The following SPIN1 variants were observed in gnomAD, a reference collection of about 807,000 sequenced individuals.
The protein encoded by SPIN1 is spindlin 1, also known as spindlin-1.
In SPIN1, 3 loss-of-function variants were observed where a neutral mutation model predicts 26.0. The observed-to-expected ratio is 0.12, with a 90% CI of 0.05 to 0.30. The LOEUF (loss-of-function observed/expected upper bound fraction) is 0.30. SPIN1 is among the 10% of genes least tolerant of loss of function. The pLI is 1.00. For missense variants in SPIN1, 126 were observed against 333.4 expected, an observed-to-expected ratio of 0.38 and a Z score of 4.84; for synonymous variants, 101 against 116.5, an observed-to-expected ratio of 0.87 and a Z score of 0.86.
chr9:88,395,118 A>G (rs7856871), intron 1 of SPIN1, among the ~76,000 whole-genome samples: 29,198 of 151,778 alleles, frequency 0.19, 3,782 homozygotes, highest in African/African-American at 0.37. Flanking sequence ...TATTTAATGT[A>G]TTTTTTAACA....
At chr9:88,418,275 A>C (rs1237416690) in intron 1 of SPIN1, among the ~76,000 whole-genome samples, 1 of 152,186 alleles carries the variant, frequency 6.6e-6, no homozygotes, top group Admixed American at 6.5e-5. Context: ...CATTCATCTC[A>C]TTAGCATAAA....
intron 1 of SPIN1, among the ~76,000 whole-genome samples, chr9:88,394,594 A>G (rs1433796030): frequency 6.6e-6 from 1 of 152,162 alleles, no homozygotes; most frequent in Non-Finnish European, 1.5e-5. Flanking sequence ...GTATAAATGT[A>G]GTTTGAAAAT....
intron 3 of SPIN1, among the ~76,000 whole-genome samples, chr9:88,454,837 G>A (rs898371263): frequency 2.0e-5 from 3 of 152,182 alleles, no homozygotes; most frequent in Non-Finnish European, 4.4e-5. Context: ...AGCAGCTTGT[G>A]CATTCAAGCC....
rs186713818 is a variant in SPIN1 at position 88,449,541 on chromosome 9, A to G, written c.101+552A>G. On this transcript the variant is annotated intron_variant, in intron 3 of 5. Transcript: ENST00000375859. ...AAACTGACAGTGTGTTCTCAATCCTAAATTCTGTAGATACCAGCTTACAGA... is the reference window on the plus strand; with the variant it reads ...AAACTGACAGTGTGTTCTCAATCCTGAATTCTGTAGATACCAGCTTACAGA... 1.8e-4 allele frequency among the ~76,000 whole-genome samples: 27 copies of G among 152,282 alleles called. 1 individual carries two copies. The highest frequency in any genetic ancestry group is 1.2e-3 in the South Asian group (6 of 4,818).
At chr9:88,402,080 C>G (rs1386840839) in intron 1 of SPIN1, among the ~76,000 whole-genome samples, 1 of 152,122 alleles carries the variant, frequency 6.6e-6, no homozygotes, top group Non-Finnish European at 1.5e-5. Context: ...AACCTCTTGC[C>G]TCCTGGGTTC....
intron 2 of SPIN1, among the ~76,000 whole-genome samples, chr9:88,445,213 T>C (rs1204168974): frequency 1.3e-5 from 2 of 152,142 alleles, no homozygotes; most frequent in African/African-American, 4.8e-5. Flanking sequence ...TCTTTCTTTT[T>C]TTTCTTTTCT....
At chr9:88,439,587 C>T (rs534587193) in intron 2 of SPIN1, among the ~76,000 whole-genome samples, 3 of 152,308 alleles carry the variant, frequency 2.0e-5, no homozygotes, top group African/African-American at 4.8e-5. Flanking sequence ...AACAGATACT[C>T]GACCTTCAGT....
intron 1 of SPIN1, among the ~76,000 whole-genome samples, chr9:88,425,901 G>C (rs539743326): frequency 1.3e-5 from 2 of 152,232 alleles, no homozygotes; most frequent in South Asian, 2.1e-4. Context: ...TCTTGAACAT[G>C]ATTTCCTGTG....
At chr9:88,393,631 T>C (rs762445012) in intron 1 of SPIN1, among the ~76,000 whole-genome samples, 4 of 151,594 alleles carry the variant, frequency 2.6e-5, no homozygotes, top group Non-Finnish European at 5.9e-5. Context: ...AATTTTTGTA[T>C]TTTTAGTAGA....
At chr9:88,436,288 CTT>C (rs1325708122) in intron 2 of SPIN1, among the ~76,000 whole-genome samples, 2 of 152,160 alleles carry the variant, frequency 1.3e-5, no homozygotes, top group South Asian at 2.1e-4. Flanking sequence ...AGTTTTTAAA[CTT>C]TACAATCTTT....
intron 1 of SPIN1, among the ~76,000 whole-genome samples, chr9:88,394,346 GC>G (rs1175968161): frequency 1.8e-4 from 27 of 152,224 alleles, no homozygotes; most frequent in African/African-American, 6.5e-4. Context: ...GAGTCTTTCA[GC>G]TTGCTTTATT....
At chr9:88,466,128 C>CT (rs932450266) in intron 4 of SPIN1, among the ~76,000 whole-genome samples, 1 of 151,922 alleles carries the variant, frequency 6.6e-6, no homozygotes, top group Non-Finnish European at 1.5e-5. Context: ...TAAACAGATG[C>CT]TTTTTTAGGT....
intron 2 of SPIN1, among the ~76,000 whole-genome samples, chr9:88,427,725 T>C (rs916942828): frequency 2.6e-5 from 4 of 152,116 alleles, no homozygotes; most frequent in Non-Finnish European, 4.4e-5. Flanking sequence ...GTCTCCCCAG[T>C]AGCTGGGATT....
At chr9:88,406,105 A>G (rs1827304428) in intron 1 of SPIN1, among the ~76,000 whole-genome samples, 1 of 151,222 alleles carries the variant, frequency 6.6e-6, no homozygotes, top group Admixed American at 6.6e-5. Flanking sequence ...CCTTGGACTC[A>G]AGTAATCTGC....
At chr9:88,455,513 A>G (rs973634897) in intron 3 of SPIN1, among the ~76,000 whole-genome samples, 2 of 152,234 alleles carry the variant, frequency 1.3e-5, no homozygotes, top group African/African-American at 4.8e-5. Flanking sequence ...AGTTGTAGAA[A>G]ATTTTGAAAA....
At chr9:88,446,255 T>C (rs1828248691) in intron 2 of SPIN1, among the ~76,000 whole-genome samples, 1 of 152,222 alleles carries the variant, frequency 6.6e-6, no homozygotes, top group Non-Finnish European at 1.5e-5. Context: ...GTAATATTGT[T>C]TGTCTTGAAG....
chr9:88,408,947 C>A (rs1827372320), intron 1 of SPIN1, among the ~76,000 whole-genome samples: 1 of 150,554 alleles, frequency 6.6e-6, no homozygotes, highest in Admixed American at 6.6e-5. Context: ...CAGGCGTGAG[C>A]CACAGCGCCC....
At chr9:88,413,916 C>G (rs994345774) in intron 1 of SPIN1, among the ~76,000 whole-genome samples, 3 of 151,940 alleles carry the variant, frequency 2.0e-5, no homozygotes, top group African/African-American at 7.3e-5. Flanking sequence ...TCCCATGTTA[C>G]TTTTATTTCT....
chr9:88,409,888 C>T (rs1827400147), intron 1 of SPIN1, among the ~76,000 whole-genome samples: 2 of 151,918 alleles, frequency 1.3e-5, no homozygotes, highest in South Asian at 4.1e-4. Flanking sequence ...CTGGCAGCTT[C>T]CCTTTTCCCT....
Sources: gnomAD v4.1 joint callset for allele counts (sites outside exome capture counted in the v4.1 genomes callset) on GRCh38, gnomAD v4.1.1 for gene constraint, MANE v1.5 for transcripts, NCBI Gene and HGNC (gene_info 2026-07-23, HGNC 2026-07-21) for gene names.